The following PICALM variants were observed in gnomAD, a reference collection of about 807,000 sequenced individuals.
The protein encoded by PICALM is phosphatidylinositol binding clathrin assembly protein.
A neutral mutation model predicts 80.5 loss-of-function variants in PICALM; 40 were observed. The ratio of observed to expected loss-of-function variants is 0.50; its 90% CI spans 0.39 to 0.65. The LOEUF (loss-of-function observed/expected upper bound fraction) is 0.65, where lower values mean the gene tolerates loss of function less well. PICALM is among the 30% of genes least tolerant of loss of function. PICALM has a pLI of 0.00. For synonymous variants in PICALM, 288 were observed against 260.3 expected (o/e 1.11, Z -1.02); for missense variants, 676 against 778.9 (o/e 0.87, Z 1.57).
intron 1 of PICALM, among the ~76,000 whole-genome samples, chr11:86,035,903 A>C (rs1415989424): frequency 6.8e-6 from 1 of 148,122 alleles, no homozygotes; most frequent in Middle Eastern, 3.4e-3. Context: ...AGCCGAGATC[A>C]TGCCACTGCA....
chr11:85,994,357 A>G (rs1188894701), intron 12 of PICALM, among the ~76,000 whole-genome samples: 2 of 152,144 alleles, frequency 1.3e-5, no homozygotes, highest in African/African-American at 4.8e-5. Flanking sequence ...GTGTTCTCCC[A>G]TTTTCATTCT....
intron 19 of PICALM, among the ~76,000 whole-genome samples, chr11:85,959,662 T>C (rs2093623539): frequency 7.6e-6 from 1 of 131,688 alleles, no homozygotes; most frequent in African/African-American, 2.9e-5. Flanking sequence ...AAAAAGCTCA[T>C]TGGAACTCCT....
rs1476235681 is a variant in PICALM at position 85,960,720 on chromosome 11, G to T, written c.1945-1660C>A. On this transcript the variant is annotated intron_variant, in intron 19 of 19. Coordinates refer to ENST00000393346, the MANE Select transcript of PICALM (RefSeq NM_007166.4). ...TCCTCCAAAGAGAGCTCTGCAAAGGGGTCCTTTCCTGAAGCTCTGTGAGGA... is the reference window on the plus strand; with the variant it reads ...TCCTCCAAAGAGAGCTCTGCAAAGGTGTCCTTTCCTGAAGCTCTGTGAGGA... 9 of 1,319,486 alleles carry T rather than the reference G, an allele frequency of 6.8e-6. No individual in the cohort carries two copies. In the Admixed American group the frequency reaches 2.0e-4, roughly 30 times the overall value. 81.7% of individuals were successfully genotyped at this position (1,319,486 alleles called of 1,614,324 possible).
At chr11:86,027,501 T>A (rs776609225) in intron 2 of PICALM, among the ~76,000 whole-genome samples, 1 of 137,830 alleles carries the variant, frequency 7.3e-6, no homozygotes, top group Non-Finnish European at 1.5e-5. Context: ...GAAATCAGTA[T>A]TTTTTTTTTT....
chr11:85,997,067 A>G, intron 11 of PICALM, 138 bp from the exon 12 acceptor site: 2 of 543,780 alleles, frequency 3.7e-6, no homozygotes, highest in Non-Finnish European at 6.4e-6. Flanking sequence ...CAAAAGAGGA[A>G]CAGTTTCTTC....
Position 86,028,276 on chromosome 11 carries a change from G to A in PICALM, c.274-1909C>T, listed in dbSNP as rs544483779. 1.1e-4 allele frequency among the ~76,000 whole-genome samples: 16 copies of A among 152,250 alleles called. No individual in the cohort carries two copies. In the East Asian group the frequency reaches 1.3e-3, roughly 13 times the overall value. On this transcript the variant is annotated intron_variant, in intron 2 of 19. Transcript: ENST00000393346. ...CAGGTTCCCATTTTGGGTCATAAGC[G>A]GTAACCTGAAATGGATTATCCTAAA...
intron 12 of PICALM, among the ~76,000 whole-genome samples, chr11:85,993,919 T>C (rs1008634188): frequency 6.6e-6 from 1 of 151,534 alleles, no homozygotes; most frequent in African/African-American, 2.4e-5. Flanking sequence ...AAGGTATTGC[T>C]ATATTGCCCA....
chr11:86,004,992 T>C (rs763988735), intron 8 of PICALM, among the ~76,000 whole-genome samples: 9 of 152,216 alleles, frequency 5.9e-5, no homozygotes, highest in Non-Finnish European at 1.2e-4. Flanking sequence ...ATGTTGATGA[T>C]AGTGGTTAAC....
chr11:85,985,007 C>T (rs1196882260), intron 13 of PICALM, among the ~76,000 whole-genome samples: 1 of 152,144 alleles, frequency 6.6e-6, no homozygotes, highest in Non-Finnish European at 1.5e-5. Context: ...CTCCTAAGGT[C>T]TCTTCCTTTT....
At chr11:86,015,450 C>T (rs1348594250) in intron 4 of PICALM, among the ~76,000 whole-genome samples, 1 of 152,118 alleles carries the variant, frequency 6.6e-6, no homozygotes, top group East Asian at 1.9e-4. Context: ...ACAGCAATGG[C>T]TTTTAATTCA....
At chr11:86,028,345 A>G (rs2095686534) in intron 2 of PICALM, among the ~76,000 whole-genome samples, 1 of 152,220 alleles carries the variant, frequency 6.6e-6, no homozygotes, top group South Asian at 2.1e-4. Context: ...GTGATTAGGT[A>G]CATAAGCATT....
At chr11:85,968,331 C>T (rs1485900063) in intron 19 of PICALM, among the ~76,000 whole-genome samples, 1 of 151,404 alleles carries the variant, frequency 6.6e-6, no homozygotes, top group Non-Finnish European at 1.5e-5. Context: ...AAAAAAGAAA[C>T]CAACAGTTAA....
At chr11:86,067,295 A>C (rs2096460807) in intron 1 of PICALM, among the ~76,000 whole-genome samples, 1 of 152,242 alleles carries the variant, frequency 6.6e-6, no homozygotes, top group Admixed American at 6.5e-5. Context: ...AAACAAAGTA[A>C]CTTTCATGTA....
chr11:86,029,394 A>T (rs2095708893), intron 2 of PICALM, among the ~76,000 whole-genome samples: 1 of 152,224 alleles, frequency 6.6e-6, no homozygotes, highest in African/African-American at 2.4e-5. Flanking sequence ...ACTAGCATAA[A>T]AACCTGAAGG....
intron 13 of PICALM, among the ~76,000 whole-genome samples, chr11:85,985,111 TAA>T (rs2094538841): frequency 1.3e-5 from 2 of 152,162 alleles, no homozygotes; most frequent in Non-Finnish European, 2.9e-5. Flanking sequence ...AGGGAGAAGT[TAA>T]ACTTTTGGTG....
chr11:85,986,800 G>A lies in PICALM; in HGVS notation c.1409-2827C>T, dbSNP rs138309412. On this transcript the variant is annotated intron_variant, in intron 13 of 19. Coordinates refer to ENST00000393346, the MANE Select transcript of PICALM (RefSeq NM_007166.4). ...TACACACACACACATACACGCGTGC[G>A]CACATGCTAAAAAGAGCAGGCGCTG... 3.2e-3 allele frequency among the ~76,000 whole-genome samples: 487 copies of A among 152,208 alleles called. 3 individuals carry two copies. Among genetic ancestry groups the A allele is most frequent in the African/African-American group, 0.011 (462 of 41,542 alleles).
intron 14 of PICALM, among the ~76,000 whole-genome samples, chr11:85,982,459 C>T (rs1440348110): frequency 6.9e-5 from 6 of 87,280 alleles, no homozygotes; most frequent in East Asian, 6.5e-4. Context: ...CTTGCTCTGT[C>T]GCCCAGGTCG....
chr11:86,022,616 TTAAG>T (rs2095584702), intron 3 of PICALM, 147 bp from the exon 4 acceptor site: 4 of 506,298 alleles, frequency 7.9e-6, no homozygotes, highest in Middle Eastern at 5.6e-4. Flanking sequence ...AGTATGTAAA[TTAAG>T]TAACTAATTA....
chr11:85,966,885 C>G (rs2093919283), intron 19 of PICALM, among the ~76,000 whole-genome samples: 1 of 152,166 alleles, frequency 6.6e-6, no homozygotes, highest in Non-Finnish European at 1.5e-5. Context: ...AAGGAAGGAC[C>G]CTCCTCTAGA....
Sources: allele counts gnomAD v4.1 joint callset (sites outside exome capture counted in the v4.1 genomes callset), GRCh38; gene constraint gnomAD v4.1.1; transcripts MANE v1.5; gene names NCBI Gene and HGNC (gene_info 2026-07-23, HGNC 2026-07-21).